Variants in AP4B1 observed in about 807,000 individuals in gnomAD.
AP4B1 encodes AP-4 complex subunit beta-1.
AP4B1 carries 49 observed loss-of-function variants against 76.5 expected under a neutral mutation model. The ratio of observed to expected loss-of-function variants is 0.64; its 90% CI spans 0.51 to 0.81. The LOEUF is 0.81. Ranked by LOEUF, AP4B1 falls within the 40% of genes least tolerant of loss-of-function variation. The pLI, the probability that AP4B1 is intolerant of heterozygous loss-of-function variation, is 0.00. For synonymous variants in AP4B1, 330 were observed against 333.3 expected (o/e 0.99, Z 0.11); for missense variants, 911 against 904.9 (o/e 1.01, Z -0.09).
At chr1:113,896,525 T>C in intron 7 of AP4B1, 60 bp from the exon 8 acceptor site, 1 of 1,546,666 alleles carries the variant, frequency 6.5e-7, no homozygotes, top group Non-Finnish European at 8.9e-7. Context: ...ACACAGGAGA[T>C]AATAGACAGC....
intron 6 of AP4B1, 149 bp from the exon 7 acceptor site, chr1:113,898,092 T>C: frequency 7.1e-7 from 1 of 1,411,812 alleles, no homozygotes; most frequent in South Asian, 1.3e-5. Flanking sequence ...ATCTAAGAAA[T>C]GTAATGAAAT....
intron 1 of AP4B1, among the ~76,000 whole-genome samples, chr1:113,904,391 G>T (rs1276188750): frequency 6.6e-6 from 1 of 152,210 alleles, no homozygotes; most frequent in Non-Finnish European, 1.5e-5. Flanking sequence ...ACCAGTAATT[G>T]CTCAAGCCCG....
rs776211708 is a variant in AP4B1 at position 113,900,206 on chromosome 1, G to A, written c.812C>T (p.Thr271Ile). 1.9e-6 allele frequency: 3 copies of A among 1,612,628 alleles called. No individual in the cohort carries two copies. In the African/African-American group the frequency reaches 4.0e-5, roughly 22 times the overall value. Residue 271 changes from threonine to isoleucine, a missense_variant, in exon 5 of 10, where the codon ACT becomes ATT. Coordinates refer to ENST00000369569, the MANE Select transcript of AP4B1 (RefSeq NM_001253852.3). Reference protein sequence around the residue: ...ILAKMFPHVQTDVLVRVKGPL... With the variant: ...ILAKMFPHVQIDVLVRVKGPL... ...TCCCTTGACCCGCACAAGGACATCAGTTTGTACGTGGGGAAACATTTTTGC... is the reference window on the plus strand; with the variant it reads ...TCCCTTGACCCGCACAAGGACATCAATTTGTACGTGGGGAAACATTTTTGC...
At chr1:113,895,685 C>T (rs1339980424) in intron 9 of AP4B1, 72 bp downstream of exon 9, 1 of 1,597,628 alleles carries the variant, frequency 6.3e-7, no homozygotes, top group East Asian at 2.2e-5. Context: ...TGCTAAGATA[C>T]TCTACTTTCC....
chr1:113,900,121 A>G lies in AP4B1; in HGVS notation c.897T>C (p.His299=), dbSNP rs1346788678. The G allele has an allele frequency of 1.9e-6, 3 of 1,614,102 alleles. No homozygotes were observed. The highest frequency in any genetic ancestry group is 2.2e-5 in the East Asian group (1 of 44,904). Residue 299 remains histidine (H), a synonymous_variant, in exon 5 of 10, where the codon CAT becomes CAC. Transcript: ENST00000369569. ...SRELCFVALC[H]VRQILHSLPG... is the part of the protein sequence containing the mutation. ...GTAAACTATGCAAGATCTGGCGTAC[A>G]TGACAAAGAGCAACAAAACAGAGCT...
At position 113,896,468 on chromosome 1, in the gene AP4B1, A is replaced by G. The variant is rs1047874291; in HGVS notation, c.1303-3T>C. The stretch of plus-strand genomic sequence containing the variant: ...AGCCAAATAAGTGCTTGCTTCCCCT[A>G]GAGAATAAAGGAATAAGAGCAAGTG... On this transcript the variant is annotated splice_region_variant and splice_polypyrimidine_tract_variant and intron_variant, in intron 7 of 9. Coordinates refer to ENST00000369569, the MANE Select transcript of AP4B1 (RefSeq NM_001253852.3). 4 of 1,613,902 alleles carry G rather than the reference A, an allele frequency of 2.5e-6. No individual in the cohort carries two copies. The Admixed American group carries it at 5.0e-5, about 20-fold the overall frequency.
chr1:113,900,364 T>A lies in AP4B1; in HGVS notation c.654A>T (p.Val218=). 4.3e-6 allele frequency: 7 copies of A among 1,611,990 alleles called. No homozygotes were observed. Among genetic ancestry groups the A allele is most frequent in the Non-Finnish European group, 5.9e-6 (7 of 1,179,534 alleles). ...GTTGGTAGCGTAGCAGAAAGTTCAA[T>A]ACTTCAGCCTGGCCCCATTGGTCCA... is the stretch of plus-strand genomic sequence containing the variant. The part of the protein sequence containing the change: ...SKLDQWGQAE[V]LNFLLRYQPR... Residue 218 remains valine, a synonymous_variant, in exon 5 of 10, where the codon GTA becomes GTT. Coordinates refer to ENST00000369569, the MANE Select transcript of AP4B1 (RefSeq NM_001253852.3).
chr1:113,902,007 G>A, intron 2 of AP4B1, 122 bp from the exon 3 acceptor site: 1 of 1,274,510 alleles, frequency 7.8e-7, no homozygotes, highest in Non-Finnish European at 1.1e-6. Flanking sequence ...AAGAATTGCA[G>A]AAAGCCTCTA....
chr1:113,903,291 C>G (rs1040538859), intron 1 of AP4B1, among the ~76,000 whole-genome samples: 1 of 152,242 alleles, frequency 6.6e-6, no homozygotes, highest in African/African-American at 2.4e-5. Context: ...GTCTCGAACT[C>G]CTGACTGCAG....
intron 7 of AP4B1, chr1:113,897,435 A>T (rs1667630510): frequency 3.6e-6 from 1 of 277,458 alleles, no homozygotes; most frequent in Non-Finnish European, 7.0e-6. Context: ...CTAAAAATAC[A>T]AAAATTAGCT....
At position 113,895,810 on chromosome 1, in the gene AP4B1, C is replaced by T; in HGVS notation, c.1739G>A (p.Gly580Glu). ...AAGCTCTGGGTCACAACGCTCTGCCCCCTGGCATTTAGAGATAGTTGCCCA... is the reference window on the plus strand; with the variant it reads ...AAGCTCTGGGTCACAACGCTCTGCCTCCTGGCATTTAGAGATAGTTGCCCA... ...AHWATISKCQ[G>E]AERCDPELPK... is the part of the protein sequence containing the mutation. The change falls in exon 9 of 10, where the codon GGG (glycine) becomes GAG (glutamate). Residue 580 changes from glycine (G) to glutamate (E), a missense_variant. Gly to Glu is a moderately conservative substitution (Grantham distance 98). Transcript: ENST00000369569. 6.2e-7 allele frequency: 1 copy of T among 1,614,198 alleles called. No individual in the cohort carries two copies. The highest frequency in any genetic ancestry group is 8.5e-7 in the Non-Finnish European group (1 of 1,180,026).
At chr1:113,901,210 TA>T (rs1217064201) in intron 4 of AP4B1, 25 bp downstream of exon 4, 8 of 1,613,696 alleles carry the variant, frequency 5.0e-6, no homozygotes, top group Non-Finnish European at 6.8e-6. Flanking sequence ...GATCTCATAA[TA>T]AAAAGAGTGC....
chr1:113,899,221 A>C (rs1357038180), intron 5 of AP4B1: 1 of 1,025,484 alleles, frequency 9.8e-7, no homozygotes, highest in Non-Finnish European at 1.2e-6. Flanking sequence ...TAAAATAACC[A>C]TGCTTTATTC....
intron 4 of AP4B1, chr1:113,900,912 A>G (rs1439598156): frequency 2.9e-6 from 1 of 347,210 alleles, no homozygotes; most frequent in Non-Finnish European, 5.5e-6. Context: ...GTTTGGGACC[A>G]GCCTGACCAA....
Position 113,895,998 on chromosome 1 carries a change from G to C in AP4B1, c.1551C>G (p.Phe517Leu), listed in dbSNP as rs1244659537. The C allele has an allele frequency of 6.2e-7, 1 of 1,614,080 alleles. No individual in the cohort carries two copies. Among genetic ancestry groups the C allele is most frequent in the African/African-American group, 1.3e-5 (1 of 74,934 alleles). ...TGCCAACTAAGAGGAGGCGATAATAGAAGAGACCTCGGTCCCGTACAGCCA... is the reference window on the plus strand; with the variant it reads ...TGCCAACTAAGAGGAGGCGATAATACAAGAGACCTCGGTCCCGTACAGCCA... ...KDMAVRDRGL[F>L]YYRLLLVGID... The change falls in exon 9 of 10, where the codon TTC becomes TTG. Residue 517 changes from phenylalanine to leucine, a missense_variant. Physicochemically the swap from Phe to Leu is conservative, Grantham distance 22. Coordinates refer to ENST00000369569, the MANE Select transcript of AP4B1 (RefSeq NM_001253852.3).
Position 113,902,703 on chromosome 1 carries a change from G to A in AP4B1, c.273C>T (p.Cys91=), listed in dbSNP as rs202053730. 6.2e-7 allele frequency: 1 copy of A among 1,614,150 alleles called. No individual in the cohort carries two copies. The highest frequency in any genetic ancestry group is 8.5e-7 in the Non-Finnish European group (1 of 1,180,030). The change falls in exon 2 of 10, where the codon TGC becomes TGT. Residue 91 remains cysteine (C), a synonymous_variant. Transcript: ENST00000369569. ...DLALLAINTL[C]KDCSDPNPMV... is the part of the protein sequence containing the mutation. ...TTGGATTGGGGTCTGAGCAGTCTTT[G>A]CACAGCGTATTGATGGCCAGGAGAG...
chr1:113,902,507 C>T, intron 2 of AP4B1, 131 bp downstream of exon 2: 2 of 922,940 alleles, frequency 2.2e-6, no homozygotes, highest in Admixed American at 4.3e-5. Context: ...GGCTGAAAAT[C>T]TGAGTTCAGG....
intron 7 of AP4B1, 72 bp downstream of exon 7, chr1:113,897,768 A>G (rs1667677445): frequency 1.3e-6 from 2 of 1,503,738 alleles, no homozygotes; most frequent in East Asian, 2.3e-5. Context: ...GAGAATAATT[A>G]GATTCCATTT....
rs748287215 is a variant in AP4B1, at chr1:113,899,123, A to C, written c.1115-322T>G. Reference sequence around the variant, plus strand: ...TGAGGTACCCTTTTTGTTGCAGCACACCTGCAATGGAGTATTTTTGTGGGG... The same window carrying C: ...TGAGGTACCCTTTTTGTTGCAGCACCCCTGCAATGGAGTATTTTTGTGGGG... On this transcript the variant is annotated intron_variant, in intron 5 of 9. Coordinates refer to ENST00000369569, the MANE Select transcript of AP4B1 (RefSeq NM_001253852.3). The C allele has an allele frequency of 2.0e-4, 229 of 1,164,678 alleles. 1 individual carries two copies. The highest frequency in any genetic ancestry group is 2.1e-4 in the Non-Finnish European group (200 of 939,898). The allele number at this position is 1,164,678 out of a possible 1,614,324, so 72.1% of individuals were successfully genotyped here.
Sources: gnomAD v4.1 joint callset for allele counts (sites outside exome capture counted in the v4.1 genomes callset) on GRCh38, gnomAD v4.1.1 for gene constraint, MANE v1.5 for transcripts, NCBI Gene and HGNC (gene_info 2026-07-23, HGNC 2026-07-21) for gene names.